The following GPC6 variants were observed in gnomAD, a reference collection of about 807,000 sequenced individuals.
The protein encoded by GPC6 is glypican-6.
A neutral mutation model predicts 55.2 loss-of-function variants in GPC6; 14 were observed. The observed-to-expected ratio is 0.25, with a 90% CI of 0.17 to 0.40. The LOEUF (loss-of-function observed/expected upper bound fraction) is 0.40, where lower values mean the gene tolerates loss of function less well. GPC6 is among the 10% of genes least tolerant of loss of function. The pLI is 1.00. For synonymous variants in GPC6, 278 were observed against 259.6 expected (o/e 1.07, Z -0.68); for missense variants, 641 against 708.5 (o/e 0.90, Z 1.08).
chr13:93,353,904 G>A (rs994107455), intron 1 of GPC6, among the ~76,000 whole-genome samples: 15 of 152,148 alleles, frequency 9.9e-5, no homozygotes, highest in Non-Finnish European at 1.9e-4. Flanking sequence ...TCTTTACCAG[G>A]AAAGCATATT....
intron 2 of GPC6, among the ~76,000 whole-genome samples, chr13:93,701,178 C>T (rs1411106077): frequency 6.6e-6 from 1 of 152,058 alleles, no homozygotes; most frequent in African/African-American, 2.4e-5. Context: ...AAGCACAACA[C>T]TTTAATGAAT....
chr13:93,732,177 G>A (rs1883847286), intron 2 of GPC6, among the ~76,000 whole-genome samples: 1 of 152,110 alleles, frequency 6.6e-6, no homozygotes, highest in South Asian at 2.1e-4. Flanking sequence ...CCAAAGTGAT[G>A]TCCACATGTC....
intron 4 of GPC6, among the ~76,000 whole-genome samples, chr13:94,090,173 C>T (rs1885429523): frequency 6.6e-6 from 1 of 152,108 alleles, no homozygotes; most frequent in African/African-American, 2.4e-5. Flanking sequence ...GCATGTCTTA[C>T]ATAGTGGCAG....
intron 3 of GPC6, among the ~76,000 whole-genome samples, chr13:93,983,078 G>C (rs1437861785): frequency 6.6e-6 from 1 of 152,122 alleles, no homozygotes; most frequent in Non-Finnish European, 1.5e-5. Flanking sequence ...ACTTTGACCA[G>C]AATTCATGAA....
intron 2 of GPC6, among the ~76,000 whole-genome samples, chr13:93,614,707 T>C (rs984297285): frequency 6.6e-6 from 1 of 152,102 alleles, no homozygotes; most frequent in Non-Finnish European, 1.5e-5. Context: ...CTTTTATTTA[T>C]TTACCCAAAA....
intron 4 of GPC6, among the ~76,000 whole-genome samples, chr13:94,221,621 A>G (rs987927032): frequency 6.6e-5 from 10 of 152,118 alleles, no homozygotes; most frequent in Non-Finnish European, 1.3e-4. Flanking sequence ...CACTAACCTC[A>G]TATGACAGAA....
At chr13:93,591,602 A>G (rs1239705508) in intron 2 of GPC6, among the ~76,000 whole-genome samples, 1 of 152,206 alleles carries the variant, frequency 6.6e-6, no homozygotes, top group South Asian at 2.1e-4. Context: ...CAGCTGTTTA[A>G]TCTGAATGTT....
intron 1 of GPC6, among the ~76,000 whole-genome samples, chr13:93,364,027 G>A (rs1201741905): frequency 2.0e-5 from 3 of 151,954 alleles, no homozygotes; most frequent in African/African-American, 7.3e-5. Flanking sequence ...TGTAGATTCT[G>A]GATATTAGCC....
Position 93,506,876 on chromosome 13 carries a change from T to TG in GPC6, c.161-38387_161-38386insG, listed in dbSNP as rs1555306228. ...TAACACGGTGAAACCCTGTCTCTAC[T>TG]AAAAAAAAAAGAAAATACAAAAAAA... On this transcript the variant is annotated intron_variant, in intron 1 of 8. Coordinates refer to ENST00000377047, the MANE Select transcript of GPC6 (RefSeq NM_005708.5). Among the ~76,000 whole-genome samples, 14 of 135,342 alleles carry TG rather than the reference T, an allele frequency of 1.0e-4. 1 individual carries two copies. The highest frequency in any genetic ancestry group is 4.6e-5 in the Non-Finnish European group (3 of 64,822). 88.8% of individuals were successfully genotyped at this position (135,342 alleles called of 152,430 possible).
chr13:93,914,395 A>G (rs1314702502), intron 3 of GPC6, among the ~76,000 whole-genome samples: 1 of 152,194 alleles, frequency 6.6e-6, no homozygotes, highest in East Asian at 1.9e-4. Context: ...AAGGACATTA[A>G]CTCATCATTT....
At chr13:94,359,925 C>T (rs1878978101) in intron 6 of GPC6, among the ~76,000 whole-genome samples, 1 of 152,214 alleles carries the variant, frequency 6.6e-6, no homozygotes, top group Non-Finnish European at 1.5e-5. Context: ...CCATGGGTTC[C>T]TATGGCAGGG....
chr13:93,563,310 A>G (rs1875909114), intron 2 of GPC6, among the ~76,000 whole-genome samples: 1 of 152,172 alleles, frequency 6.6e-6, no homozygotes, highest in Non-Finnish European at 1.5e-5. Context: ...GTGGGAAAAC[A>G]GTATTTGGGA....
chr13:93,444,592 G>A (rs1877932674), intron 1 of GPC6, among the ~76,000 whole-genome samples: 1 of 152,122 alleles, frequency 6.6e-6, no homozygotes. Flanking sequence ...GGGTGACAGA[G>A]CAAGACTCCA....
At chr13:93,613,378 G>A (rs759951248) in intron 2 of GPC6, among the ~76,000 whole-genome samples, 2 of 152,118 alleles carry the variant, frequency 1.3e-5, no homozygotes, top group African/African-American at 4.8e-5. Flanking sequence ...AGTATTGGAC[G>A]TAGGTAGCTG....
chr13:94,075,354 C>G (rs1269244633), intron 4 of GPC6, among the ~76,000 whole-genome samples: 1 of 152,098 alleles, frequency 6.6e-6, no homozygotes, highest in Non-Finnish European at 1.5e-5. Flanking sequence ...ATAACCCAAT[C>G]AAGGAAATAA....
chr13:93,867,639 C>T (rs989537850), intron 3 of GPC6, among the ~76,000 whole-genome samples: 1 of 151,754 alleles, frequency 6.6e-6, no homozygotes, highest in African/African-American at 2.4e-5. Context: ...AACACTCCAT[C>T]TATTACAGCC....
At chr13:93,444,033 T>C (rs1473780090) in intron 1 of GPC6, among the ~76,000 whole-genome samples, 1 of 152,166 alleles carries the variant, frequency 6.6e-6, no homozygotes, top group Non-Finnish European at 1.5e-5. Context: ...ATCCATTACT[T>C]CACTATATTT....
At chr13:94,120,105 G>A (rs145629622) in intron 4 of GPC6, among the ~76,000 whole-genome samples, 1,742 of 151,956 alleles carry the variant, frequency 0.011, 16 homozygotes, top group South Asian at 0.021. Flanking sequence ...GAATGGCTGC[G>A]TTTCTCAAGC....
At chr13:93,671,297 A>G (rs1881346962) in intron 2 of GPC6, among the ~76,000 whole-genome samples, 1 of 150,500 alleles carries the variant, frequency 6.6e-6, no homozygotes. Context: ...TTCCTCGAAG[A>G]TCTCCCGGGA....
Sources: gnomAD v4.1 joint callset for allele counts (sites outside exome capture counted in the v4.1 genomes callset) on GRCh38, gnomAD v4.1.1 for gene constraint, MANE v1.5 for transcripts, NCBI Gene and HGNC (gene_info 2026-07-23, HGNC 2026-07-21) for gene names.